The following TMEM71 variants were observed in gnomAD, a reference collection of about 807,000 sequenced individuals.
TMEM71 encodes transmembrane protein 71.
In TMEM71, 44 loss-of-function variants were observed where a neutral mutation model predicts 38.0. That is an observed-to-expected ratio of 1.16 (90% CI 0.91 to 1.49). TMEM71 has a LOEUF of 1.49. Among genes scored for constraint, TMEM71 ranks in the 40% most tolerant of loss-of-function variants. The pLI is 0.00. For synonymous variants in TMEM71, 133 were observed against 122.5 expected, an observed-to-expected ratio of 1.09 and a Z score of -0.56; for missense variants, 367 against 348.6, an observed-to-expected ratio of 1.05 and a Z score of -0.42.
intron 6 of TMEM71, 105 bp from the exon 7 acceptor site, chr8:132,722,220 A>G: frequency 1.1e-6 from 1 of 896,846 alleles, no homozygotes; most frequent in Non-Finnish European, 1.8e-6. Context: ...AAAAAAAAAA[A>G]AAAGTTTTGG....
At chr8:132,746,466 T>TATAC (rs1828381577) in intron 5 of TMEM71, among the ~76,000 whole-genome samples, 1 of 16,148 alleles carries the variant, frequency 6.2e-5, no homozygotes, top group African/African-American at 2.1e-4. Flanking sequence ...TATATATACA[T>TATAC]ATATATATAC....
At chr8:132,766,802 T>A in the TMEM71 span, among the ~76,000 whole-genome samples, 52,309 of 137,464 alleles carry the variant, frequency 0.38, 10,332 homozygotes, top group Non-Finnish European at 0.44. Flanking sequence ...AAAATAAAAA[T>A]AAAAAAGATG....
chr8:132,751,767 G>C lies in TMEM71; in HGVS notation c.314+18C>G. 6.2e-7 allele frequency: 1 copy of C among 1,605,502 alleles called. No individual in the cohort carries two copies. Among genetic ancestry groups the C allele is most frequent in the South Asian group, 1.1e-5 (1 of 90,872 alleles). ...TGGATTGGACTTCAGATTTCTTTCT[G>C]TAATATGCTCTGCTTACCTAACTAA... On this transcript the variant is annotated intron_variant, in intron 4 of 9. Transcript: ENST00000677595.
At chr8:132,749,739 G>A (rs1174324485) in intron 4 of TMEM71, among the ~76,000 whole-genome samples, 5 of 152,128 alleles carry the variant, frequency 3.3e-5, no homozygotes, top group Non-Finnish European at 2.9e-5. Context: ...ATCTGGGCCC[G>A]GCACAGTGGC....
chr8:132,713,468 A>G (rs1489157723), intron 9 of TMEM71, among the ~76,000 whole-genome samples: 1 of 152,206 alleles, frequency 6.6e-6, no homozygotes, highest in Non-Finnish European at 1.5e-5. Context: ...GGTAATTAAC[A>G]CAGTCCATCG....
intron 5 of TMEM71, among the ~76,000 whole-genome samples, chr8:132,730,131 T>C (rs1180740021): frequency 6.6e-6 from 1 of 152,152 alleles, no homozygotes; most frequent in African/African-American, 2.4e-5. Context: ...GCTAATTTTG[T>C]ATTTTTAGTT....
chr8:132,738,781 TC>T (rs1176035496), intron 5 of TMEM71, among the ~76,000 whole-genome samples: 1 of 152,144 alleles, frequency 6.6e-6, no homozygotes, highest in Non-Finnish European at 1.5e-5. Flanking sequence ...ATTTAAGTAA[TC>T]CTTTGATCAT....
upstream of TMEM71, among the ~76,000 whole-genome samples, chr8:132,764,184 C>A (rs1586811047): frequency 6.6e-6 from 1 of 152,312 alleles, no homozygotes; most frequent in Middle Eastern, 3.4e-3. Context: ...TCCATCTCCA[C>A]TATCTGCTCT....
downstream of TMEM71, among the ~76,000 whole-genome samples, chr8:132,706,333 CCT>C (rs1198052703): frequency 6.6e-6 from 1 of 152,028 alleles, no homozygotes; most frequent in African/African-American, 2.4e-5. Context: ...CATGCAATGC[CCT>C]GTTTCCCCTA....
intron 7 of TMEM71, among the ~76,000 whole-genome samples, chr8:132,717,025 A>G (rs1826570329): frequency 6.6e-6 from 1 of 152,252 alleles, no homozygotes; most frequent in South Asian, 2.1e-4. Context: ...TTCAAAACTT[A>G]CTACACTATA....
At position 132,710,899 on chromosome 8, in the gene TMEM71, A is replaced by T. The variant is rs142101522; in HGVS notation, c.*68T>A. On this transcript the variant is annotated 3_prime_UTR_variant, in exon 10 of 10. Transcript: ENST00000677595. Reference sequence around the variant, plus strand: ...CAATAAAACACTTGATTCCAAGTAGACTGCAAGTTGGACAATTTCCAGATA... The same window carrying T: ...CAATAAAACACTTGATTCCAAGTAGTCTGCAAGTTGGACAATTTCCAGATA... The T allele has an allele frequency of 3.8e-4, 549 of 1,442,814 alleles. 2 individuals carry two copies. The African/African-American group carries it at 6.7e-3, about 17-fold the overall frequency. The allele number at this position is 1,442,814 out of a possible 1,614,324, so 89.4% of individuals were successfully genotyped here.
At chr8:132,706,520 G>C (rs1265050850), downstream of TMEM71, among the ~76,000 whole-genome samples, 2 of 152,066 alleles carry the variant, frequency 1.3e-5, no homozygotes, top group South Asian at 4.1e-4. Context: ...TTAGCATCTT[G>C]ATGAGGTACA....
At chr8:132,711,610 C>T (rs555167126) in intron 9 of TMEM71, among the ~76,000 whole-genome samples, 36 of 152,298 alleles carry the variant, frequency 2.4e-4, no homozygotes, top group African/African-American at 7.7e-4. Flanking sequence ...GATGCTAACA[C>T]ATCATTACTA....
At position 132,727,909 on chromosome 8, in the gene TMEM71, A is replaced by C; in HGVS notation, c.565T>G (p.Ser189Ala). The C allele has an allele frequency of 6.2e-7, 1 of 1,614,112 alleles. No homozygotes were observed. Among genetic ancestry groups the C allele is most frequent in the Non-Finnish European group, 8.5e-7 (1 of 1,180,006 alleles). ...GGCTGAGATATGATGTGGCTGGAAG[A>C]GGAGGTGATCACAGACTCTGCATTC... ...KMNAESVITS[S>A]SSHIISQPPG... The change falls in exon 6 of 10, where the codon TCT becomes GCT. Residue 189 changes from serine to alanine, a missense_variant. Transcript: ENST00000677595.
intron 6 of TMEM71, among the ~76,000 whole-genome samples, chr8:132,724,886 C>A (rs552442997): frequency 2.6e-5 from 4 of 152,282 alleles, no homozygotes; most frequent in African/African-American, 9.6e-5. Flanking sequence ...ACATGCCCTT[C>A]CAAAACCAAT....
At chr8:132,719,994 T>A (rs1826751580) in intron 7 of TMEM71, among the ~76,000 whole-genome samples, 1 of 152,222 alleles carries the variant, frequency 6.6e-6, no homozygotes, top group Non-Finnish European at 1.5e-5. Flanking sequence ...CCTTGACAGT[T>A]TTGGAAAGTC....
At chr8:132,740,429 G>T (rs1181745150) in intron 5 of TMEM71, among the ~76,000 whole-genome samples, 1 of 152,104 alleles carries the variant, frequency 6.6e-6, no homozygotes, top group Non-Finnish European at 1.5e-5. Flanking sequence ...TTATTAACAT[G>T]CTACATAATT....
the TMEM71 span, among the ~76,000 whole-genome samples, chr8:132,767,946 G>A: frequency 5.9e-5 from 9 of 152,242 alleles, no homozygotes; most frequent in African/African-American, 1.7e-4. Context: ...ATGACATTGC[G>A]AGATCACAAT....
Position 132,746,952 on chromosome 8 carries a change from G to A in TMEM71, c.477C>T (p.Cys159=). The change falls in exon 5 of 10, where the codon TGC becomes TGT. Residue 159 remains cysteine (C), a synonymous_variant. Transcript: ENST00000677595. ...KGTRRLDTDH[C]NGNADDLDCS... ...AGGACTCAAACTCACCATTTCCATT[G>A]CAATGGTCTGTGTCCAACCTCCTGG... 6.3e-7 allele frequency: 1 copy of A among 1,597,254 alleles called. No individual in the cohort carries two copies. Among genetic ancestry groups the A allele is most frequent in the Non-Finnish European group, 8.5e-7 (1 of 1,174,458 alleles).
Sources: gnomAD v4.1 joint callset for allele counts (sites outside exome capture counted in the v4.1 genomes callset) on GRCh38, gnomAD v4.1.1 for gene constraint, MANE v1.5 for transcripts, NCBI Gene and HGNC (gene_info 2026-07-23, HGNC 2026-07-21) for gene names.